The following TRMT44 variants were observed in gnomAD, a reference collection of about 807,000 sequenced individuals.
The protein encoded by TRMT44 is tRNA methyltransferase 44 homolog.
A neutral mutation model predicts 77.3 loss-of-function variants in TRMT44; 78 were observed. That is an observed-to-expected ratio of 1.01 (90% CI 0.84 to 1.22). The LOEUF is 1.22. Ranked by LOEUF, TRMT44 falls within the 50% of genes most tolerant of loss-of-function variation. The pLI, the probability that TRMT44 is intolerant of heterozygous loss-of-function variation, is 0.00. For synonymous variants in TRMT44, 391 were observed against 383.3 expected (o/e 1.02, Z -0.23); for missense variants, 1,090 against 964.4 (o/e 1.13, Z -1.73).
chr4:8,447,254 T>G (rs999234802), intron 2 of TRMT44, among the ~76,000 whole-genome samples: 2 of 152,188 alleles, frequency 1.3e-5, no homozygotes, highest in Admixed American at 6.5e-5. Context: ...TGATACTTAT[T>G]ATAAAGTAGC....
chr4:8,441,290 C>T lies in TRMT44; in HGVS notation c.468C>T (p.Gly156=). ...WEDFSQSLAR[G]NSELLAFLTS... Reference sequence around the variant, plus strand: ...ATTTCTCCCAAAGTCTCGCCCGTGGCAATTCGGAGTTGCTGGCCTTCCTCA... The same window carrying T: ...ATTTCTCCCAAAGTCTCGCCCGTGGTAATTCGGAGTTGCTGGCCTTCCTCA... The change falls in exon 1 of 11, where the codon GGC becomes GGT. Residue 156 remains glycine, a synonymous_variant. Transcript: ENST00000389737. The T allele has an allele frequency of 6.5e-7, 1 of 1,535,514 alleles. No individual in the cohort carries two copies. The highest frequency in any genetic ancestry group is 1.4e-5 in the African/African-American group (1 of 73,184).
intron 10 of TRMT44, among the ~76,000 whole-genome samples, chr4:8,471,514 C>T (rs1029588556): frequency 2.0e-5 from 3 of 152,366 alleles, no homozygotes; most frequent in East Asian, 1.9e-4. Context: ...GTCGGGTAGC[C>T]GCTGGCCGGT....
the TRMT44 span, among the ~76,000 whole-genome samples, chr4:8,514,589 C>T: frequency 0.027 from 4,159 of 152,064 alleles, 67 homozygotes; most frequent in South Asian, 0.042. Context: ...TTTTACTCAA[C>T]GCTCCAGCCA....
chr4:8,458,459 CTTTTCTT>C (rs1177026583), intron 6 of TRMT44, among the ~76,000 whole-genome samples: 1 of 142,752 alleles, frequency 7.0e-6, no homozygotes, highest in African/African-American at 2.6e-5. Context: ...ATTTTCTTTT[CTTTTCTT>C]TTTTTTTTTT....
chr4:8,499,953 G>T, the TRMT44 span, among the ~76,000 whole-genome samples: 2 of 152,218 alleles, frequency 1.3e-5, no homozygotes, highest in African/African-American at 4.8e-5. Flanking sequence ...CAGCCTATGG[G>T]CGCAGTGGCT....
At chr4:8,511,475 T>A in the TRMT44 span, among the ~76,000 whole-genome samples, 1 of 152,102 alleles carries the variant, frequency 6.6e-6, no homozygotes, top group African/African-American at 2.4e-5. Context: ...TGATTTTGGA[T>A]CTGAGATGGG....
chr4:8,514,159 G>A, the TRMT44 span, among the ~76,000 whole-genome samples: 1 of 151,934 alleles, frequency 6.6e-6, no homozygotes, highest in African/African-American at 2.4e-5. Flanking sequence ...GGTGAGCAGG[G>A]AAGAGCCAGC....
intron 2 of TRMT44, among the ~76,000 whole-genome samples, chr4:8,448,232 C>T (rs1265370706): frequency 6.6e-6 from 1 of 152,206 alleles, no homozygotes; most frequent in Non-Finnish European, 1.5e-5. Context: ...TGAGGGGCTC[C>T]ACTGTCGATG....
chr4:8,457,699 C>G (rs1725889829), intron 6 of TRMT44, among the ~76,000 whole-genome samples: 1 of 152,208 alleles, frequency 6.6e-6, no homozygotes, highest in Non-Finnish European at 1.5e-5. Context: ...GAGCCTGAAA[C>G]AAATTCCCGC....
In TRMT44 at chr4:8,461,142, C is replaced by T. The variant is rs1348454117; in HGVS notation, c.1204-2843C>T. Among the ~76,000 whole-genome samples, 3 of 152,144 alleles carry T rather than the reference C, an allele frequency of 2.0e-5. No individual in the cohort carries two copies. Among genetic ancestry groups the T allele is most frequent in the Non-Finnish European group, 4.4e-5 (3 of 68,030 alleles). On this transcript the variant is annotated intron_variant, in intron 6 of 10. Coordinates refer to ENST00000389737, the MANE Select transcript of TRMT44 (RefSeq NM_152544.3). This position sits in a 1 kb window ranked among gnomAD's most constrained non-coding sequence, Gnocchi z 4.6. ...CTGGGATGACAATGAGCCGCTGCGC[C>T]GGGCCAGGGTGCTTACTCTTTGCTT...
downstream of TRMT44, chr4:8,478,243 C>A (rs1008756815): frequency 6.5e-6 from 1 of 152,688 alleles, no homozygotes; most frequent in Admixed American, 6.5e-5. Context: ...ACACTTGTTA[C>A]GGCAGTTTCC....
intron 2 of TRMT44, among the ~76,000 whole-genome samples, chr4:8,489,077 A>G (rs1727912294): frequency 6.6e-6 from 1 of 152,240 alleles, no homozygotes; most frequent in African/African-American, 2.4e-5. Flanking sequence ...CTTGAAAGGA[A>G]CTGTGTCATC....
intron 10 of TRMT44, among the ~76,000 whole-genome samples, chr4:8,472,923 A>G (rs1727118449): frequency 6.6e-6 from 1 of 152,088 alleles, no homozygotes; most frequent in Non-Finnish European, 1.5e-5. Context: ...TTCCTGAAAT[A>G]CTGTCTTTTT....
chr4:8,447,742 G>T (rs955879467), intron 2 of TRMT44, among the ~76,000 whole-genome samples: 1 of 152,206 alleles, frequency 6.6e-6, no homozygotes, highest in Non-Finnish European at 1.5e-5. Context: ...GAGTTGTCAG[G>T]GGATCCTGCC....
chr4:8,499,539 C>T, the TRMT44 span, among the ~76,000 whole-genome samples: 13 of 61,642 alleles, frequency 2.1e-4, no homozygotes, highest in South Asian at 2.3e-3. Flanking sequence ...GGGGTGAGGT[C>T]GTGTGTGTTG....
Position 8,461,135 on chromosome 4 carries a change from G to A in TRMT44, c.1204-2850G>A, listed in dbSNP as rs575037437. On this transcript the variant is annotated intron_variant, in intron 6 of 10. Transcript: ENST00000389737. The surrounding 1 kb of genome is among the most constrained non-coding windows in gnomAD (Gnocchi z 4.6). ...CACAGGGCTGGGATGACAATGAGCCGCTGCGCCGGGCCAGGGTGCTTACTC... is the reference window on the plus strand; with the variant it reads ...CACAGGGCTGGGATGACAATGAGCCACTGCGCCGGGCCAGGGTGCTTACTC... Among the ~76,000 whole-genome samples, 7 of 152,278 alleles carry A rather than the reference G, an allele frequency of 4.6e-5. No individual in the cohort carries two copies. The highest frequency in any genetic ancestry group is 3.4e-3 in the Middle Eastern group (1 of 294).
At chr4:8,499,947 C>T in the TRMT44 span, among the ~76,000 whole-genome samples, 1 of 152,182 alleles carries the variant, frequency 6.6e-6, no homozygotes, top group African/African-American at 2.4e-5. Context: ...AGCTCTCAGC[C>T]TATGGGCGCA....
chr4:8,492,302 CA>C (rs1291394424), intron 2 of TRMT44, among the ~76,000 whole-genome samples: 1 of 152,200 alleles, frequency 6.6e-6, no homozygotes, highest in African/African-American at 2.4e-5. Flanking sequence ...AATCTGATAC[CA>C]AAGTCAGGTC....
chr4:8,460,055 G>A (rs557491108), intron 6 of TRMT44, among the ~76,000 whole-genome samples: 2 of 152,338 alleles, frequency 1.3e-5, no homozygotes, highest in African/African-American at 2.4e-5. Flanking sequence ...CCATGTGACC[G>A]TGGGGTTAAA....
Sources: allele counts gnomAD v4.1 joint callset (sites outside exome capture counted in the v4.1 genomes callset), GRCh38; gene constraint gnomAD v4.1.1; non-coding constraint Gnocchi (gnomAD v3.1); transcripts MANE v1.5; gene names NCBI Gene and HGNC (gene_info 2026-07-23, HGNC 2026-07-21).